NEK7: variants seen among roughly 807,000 people sequenced by gnomAD.
NEK7 encodes NIMA related kinase 7.
Under a neutral mutation model 44.6 loss-of-function variants are expected in NEK7, and 18 were observed. The observed-to-expected ratio is 0.40, with a 90% CI of 0.28 to 0.60. The LOEUF is 0.60. Among genes scored for constraint, NEK7 ranks in the 20% least tolerant of loss-of-function variants. The pLI, the probability that NEK7 is intolerant of heterozygous loss-of-function variation, is 0.38. For synonymous variants in NEK7, 130 were observed against 121.1 expected, an observed-to-expected ratio of 1.07 and a Z score of -0.48; for missense variants, 256 against 366.5, an observed-to-expected ratio of 0.70 and a Z score of 2.46.
chr1:198,268,526 C>T (rs1014847438), intron 5 of NEK7, among the ~76,000 whole-genome samples: 2 of 152,038 alleles, frequency 1.3e-5, no homozygotes, highest in Non-Finnish European at 2.9e-5. Context: ...TTGGAGAGAG[C>T]GAGAGCTTTT....
At chr1:198,200,551 T>C (rs1665398393) in intron 1 of NEK7, among the ~76,000 whole-genome samples, 1 of 141,924 alleles carries the variant, frequency 7.0e-6, no homozygotes, top group African/African-American at 2.8e-5. Context: ...TTTCTTTCTT[T>C]CTTTTTTTTT....
chr1:198,189,280 T>C (rs1243927725), intron 1 of NEK7, among the ~76,000 whole-genome samples: 2 of 152,218 alleles, frequency 1.3e-5, no homozygotes, highest in Non-Finnish European at 2.9e-5. Flanking sequence ...TTTCATGTCG[T>C]AAGTCCCTAG....
chr1:198,299,140 TA>T (rs1390775920), intron 9 of NEK7, among the ~76,000 whole-genome samples: 1 of 152,254 alleles, frequency 6.6e-6, no homozygotes, highest in African/African-American at 2.4e-5. Context: ...CTCGTATTGG[TA>T]AAATGTGTTG....
chr1:198,284,209 T>C (rs775499425), intron 7 of NEK7, among the ~76,000 whole-genome samples: 3 of 152,188 alleles, frequency 2.0e-5, no homozygotes, highest in Non-Finnish European at 2.9e-5. Flanking sequence ...AGCTAGAAGA[T>C]AGTGAATAGG....
At chr1:198,209,293 A>T (rs1203212548) in intron 1 of NEK7, among the ~76,000 whole-genome samples, 1 of 151,994 alleles carries the variant, frequency 6.6e-6, no homozygotes, top group East Asian at 1.9e-4. Flanking sequence ...AAACAGTGTT[A>T]AGACAATTTG....
At chr1:198,205,222 G>C (rs1314031637) in intron 1 of NEK7, among the ~76,000 whole-genome samples, 4 of 152,168 alleles carry the variant, frequency 2.6e-5, no homozygotes, top group African/African-American at 9.7e-5. Flanking sequence ...AACAGCGGCA[G>C]TTTTGGCAGG....
chr1:198,258,323 C>T (rs1235964778), intron 3 of NEK7, among the ~76,000 whole-genome samples: 3 of 152,146 alleles, frequency 2.0e-5, no homozygotes, highest in Non-Finnish European at 4.4e-5. Flanking sequence ...CCTGTAGTCC[C>T]AGCTACCTGG....
intron 2 of NEK7, among the ~76,000 whole-genome samples, chr1:198,251,490 T>G (rs1652981669): frequency 6.6e-6 from 1 of 150,846 alleles, no homozygotes; most frequent in Admixed American, 6.6e-5. Context: ...AATTCGGCTG[T>G]AAATCCATCT....
At chr1:198,195,793 C>G (rs1227352008) in intron 1 of NEK7, among the ~76,000 whole-genome samples, 2 of 152,114 alleles carry the variant, frequency 1.3e-5, no homozygotes, top group Non-Finnish European at 2.9e-5. Context: ...CCACTGCACT[C>G]CAGCCTTGGT....
intron 2 of NEK7, among the ~76,000 whole-genome samples, chr1:198,248,873 T>G (rs1415120491): frequency 1.4e-5 from 2 of 139,030 alleles, no homozygotes; most frequent in Non-Finnish European, 1.7e-5. Context: ...CAATTGCTTT[T>G]ATTTTATTTT....
At chr1:198,242,458 C>A (rs1296605267) in intron 2 of NEK7, among the ~76,000 whole-genome samples, 1 of 142,926 alleles carries the variant, frequency 7.0e-6, no homozygotes, top group Non-Finnish European at 1.5e-5. Flanking sequence ...AATGCCGTGG[C>A]GTGATCTCAG....
rs536449683 is a variant in NEK7 at position 198,321,445 on chromosome 1, G to C, written c.*1923G>C. On this transcript the variant is annotated 3_prime_UTR_variant, in exon 10 of 10. Transcript: ENST00000367385. ...ATGTTCATTTTAATGTAATATAATT[G>C]AGATGAAATGTTCTCTGGTTGGAAC... The C allele has an allele frequency of 1.3e-5, 2 of 152,106 alleles. No homozygotes were observed. Among genetic ancestry groups the C allele is most frequent in the Admixed American group, 1.3e-4 (2 of 15,282 alleles). The allele number at this position is 152,106 out of a possible 1,614,324, so 9.4% of individuals were successfully genotyped here.
chr1:198,252,609 T>TTATTAAAACATGTATATGTATGTTTTATA (rs1359118633), intron 2 of NEK7, among the ~76,000 whole-genome samples: 2 of 133,584 alleles, frequency 1.5e-5, no homozygotes, highest in Non-Finnish European at 3.1e-5. Context: ...GTTTATATAT[T>TTATTAAAACATGTATATGTATGTTTTATA]TATTAAAACA....
chr1:198,280,792 A>G (rs1284962788), intron 7 of NEK7, among the ~76,000 whole-genome samples: 3 of 149,086 alleles, frequency 2.0e-5, no homozygotes, highest in Admixed American at 1.3e-4. Flanking sequence ...GTGTATATAT[A>G]CACATTATAA....
Position 198,252,560 on chromosome 1 carries a change from ATAT to A in NEK7, c.58-479_58-477del, listed in dbSNP as rs1558079267. 4.3e-3 allele frequency among the ~76,000 whole-genome samples: 260 copies of A among 60,812 alleles called. 15 individuals carry two copies. Among genetic ancestry groups the A allele is most frequent in the Non-Finnish European group, 1.2e-3 (44 of 37,822 alleles). 39.9% of individuals were successfully genotyped at this position (60,812 alleles called of 152,430 possible). ...TATATATATATATATATATATATAT[ATAT>A]ATATAAAAAGTACATATATACACAT... On this transcript the variant is annotated intron_variant, in intron 2 of 9. Coordinates refer to ENST00000367385, the MANE Select transcript of NEK7 (RefSeq NM_133494.3).
At chr1:198,297,499 C>A (rs1654747861) in intron 9 of NEK7, among the ~76,000 whole-genome samples, 1 of 152,138 alleles carries the variant, frequency 6.6e-6, no homozygotes, top group Admixed American at 6.5e-5. Context: ...TAGTAGCTGA[C>A]TCTACAGTGT....
At position 198,172,289 on chromosome 1, in the gene NEK7, T is replaced by C. The variant is rs767269754; in HGVS notation, c.-29+15013T>C. 8.7e-4 allele frequency among the ~76,000 whole-genome samples: 133 copies of C among 152,272 alleles called. 1 individual carries two copies. The highest frequency in any genetic ancestry group is 3.4e-3 in the Middle Eastern group (1 of 294). On this transcript the variant is annotated intron_variant, in intron 1 of 9. Coordinates refer to ENST00000367385, the MANE Select transcript of NEK7 (RefSeq NM_133494.3). Reference sequence around the variant, plus strand: ...GCTGTGACTTTTTATTAAAATGAAATGAAATAAAGAAACTAGAAACTTAAC... The same window carrying C: ...GCTGTGACTTTTTATTAAAATGAAACGAAATAAAGAAACTAGAAACTTAAC...
At chr1:198,214,623 C>T (rs557278438) in intron 1 of NEK7, among the ~76,000 whole-genome samples, 1 of 152,016 alleles carries the variant, frequency 6.6e-6, no homozygotes, top group East Asian at 1.9e-4. Flanking sequence ...CCCAGTCAGA[C>T]AAAAATAAAG....
chr1:198,299,071 C>T (rs898042672), intron 9 of NEK7, among the ~76,000 whole-genome samples: 17 of 152,116 alleles, frequency 1.1e-4, no homozygotes, highest in Non-Finnish European at 1.0e-4. Context: ...TTACCAGTTT[C>T]GAAAAGAGCT....
Sources: gnomAD v4.1 joint callset for allele counts (sites outside exome capture counted in the v4.1 genomes callset) on GRCh38, gnomAD v4.1.1 for gene constraint, MANE v1.5 for transcripts, NCBI Gene and HGNC (gene_info 2026-07-23, HGNC 2026-07-21) for gene names.